The following GRK5 variants were observed in gnomAD, a reference collection of about 807,000 sequenced individuals.
GRK5 encodes the protein g protein-coupled receptor kinase GRK5.
A neutral mutation model predicts 78.4 loss-of-function variants in GRK5; 40 were observed. That is an observed-to-expected ratio of 0.51 (90% confidence interval 0.40 to 0.66). GRK5 has a LOEUF of 0.66. Ranked by LOEUF, GRK5 falls within the 30% of genes least tolerant of loss-of-function variation. The probability of loss-of-function intolerance (pLI) is 0.00; values close to 1 mark genes in which losing one functional copy is unlikely to be tolerated. For missense variants in GRK5, 598 were observed against 759.9 expected (o/e 0.79, Z 2.50); for synonymous variants, 289 against 296.8 (o/e 0.97, Z 0.27).
At chr10:119,356,058 C>CT (rs1375754241) in intron 2 of GRK5, among the ~76,000 whole-genome samples, 1 of 152,186 alleles carries the variant, frequency 6.6e-6, no homozygotes, top group Admixed American at 6.5e-5. Flanking sequence ...CCTAAGAACC[C>CT]TGATCTGGAG....
rs996583663 is a variant in GRK5 at position 119,359,991 on chromosome 10, GGGAGGCTGA to G, written c.149-20809_149-20801del. On this transcript the variant is annotated intron_variant, in intron 2 of 15. Transcript: ENST00000392870. The stretch of plus-strand genomic sequence containing the variant: ...AGGCTGGGGAGGCTGAGGAGGCGGA[GGGAGGCTGA>G]GGAGGCTGAGGAGGTGGAGGGAAGC... Among the ~76,000 whole-genome samples, 9 of 151,764 alleles carry G rather than the reference GGGAGGCTGA, an allele frequency of 5.9e-5. No individual in the cohort carries two copies. The South Asian group carries it at 1.5e-3, about 25-fold the overall frequency.
intron 3 of GRK5, among the ~76,000 whole-genome samples, chr10:119,394,219 C>T (rs898269282): frequency 2.1e-3 from 35 of 16,498 alleles, no homozygotes; most frequent in African/African-American, 5.1e-3. Context: ...TGTGTGGGTA[C>T]GTGTGGGTGT....
intron 2 of GRK5, among the ~76,000 whole-genome samples, chr10:119,355,588 G>T (rs1851251302): frequency 6.6e-6 from 1 of 152,232 alleles, no homozygotes; most frequent in African/African-American, 2.4e-5. Context: ...AGACCAGCCT[G>T]ACCAACATGG....
At chr10:119,231,364 TAAAA>T (rs1040153090) in intron 1 of GRK5, among the ~76,000 whole-genome samples, 1 of 151,604 alleles carries the variant, frequency 6.6e-6, no homozygotes, top group Non-Finnish European at 1.5e-5. Flanking sequence ...ATTAAAAAAT[TAAAA>T]AACATCTAAA....
intron 2 of GRK5, among the ~76,000 whole-genome samples, chr10:119,348,927 C>T (rs901121267): frequency 6.6e-6 from 1 of 152,162 alleles, no homozygotes; most frequent in African/African-American, 2.4e-5. Context: ...CTCATATCCT[C>T]GACCACCACA....
chr10:119,285,157 C>T (rs1349229112), intron 1 of GRK5, among the ~76,000 whole-genome samples: 1 of 152,192 alleles, frequency 6.6e-6, no homozygotes, highest in Non-Finnish European at 1.5e-5. Context: ...TTCACGTTGG[C>T]TGGCATCTCT....
chr10:119,417,086 T>C (rs1852471273), intron 4 of GRK5, among the ~76,000 whole-genome samples: 1 of 152,192 alleles, frequency 6.6e-6, no homozygotes, highest in Non-Finnish European at 1.5e-5. Context: ...ACGGCCTGCT[T>C]CATGGGCCTT....
intron 2 of GRK5, among the ~76,000 whole-genome samples, chr10:119,348,902 G>A (rs1240341023): frequency 2.0e-5 from 3 of 152,176 alleles, no homozygotes; most frequent in Admixed American, 1.3e-4. Flanking sequence ...GTGGCCAGAC[G>A]ACAGGGCCGC....
At chr10:119,435,769 G>A (rs1281183375) in intron 8 of GRK5, among the ~76,000 whole-genome samples, 1 of 152,112 alleles carries the variant, frequency 6.6e-6, no homozygotes, top group African/African-American at 2.4e-5. Flanking sequence ...TTTTTCAGCA[G>A]TGCCTCACTC....
chr10:119,386,274 G>T (rs1204730247), intron 3 of GRK5, among the ~76,000 whole-genome samples: 1 of 152,202 alleles, frequency 6.6e-6, no homozygotes, highest in South Asian at 2.1e-4. Flanking sequence ...GGATGGAGAA[G>T]CGTGAGGACA....
intron 1 of GRK5, among the ~76,000 whole-genome samples, chr10:119,314,727 T>A (rs915394): frequency 0.69 from 105,497 of 152,094 alleles, 38,171 homozygotes; most frequent in Non-Finnish European, 0.79. Context: ...CCTCTCAATC[T>A]GGGGATAGTT....
intron 1 of GRK5, among the ~76,000 whole-genome samples, chr10:119,313,265 GGT>G (rs1850426572): frequency 2.0e-5 from 3 of 150,420 alleles, no homozygotes; most frequent in Non-Finnish European, 4.4e-5. Flanking sequence ...TGATGGTGGT[GGT>G]AATAGTGGTG....
chr10:119,214,680 T>C (rs1848542575), intron 1 of GRK5, among the ~76,000 whole-genome samples: 1 of 152,026 alleles, frequency 6.6e-6, no homozygotes, highest in Admixed American at 6.6e-5. Context: ...CCAACATGCC[T>C]GGCTAATTTT....
chr10:119,278,079 AT>A (rs1439678110), intron 1 of GRK5, among the ~76,000 whole-genome samples: 1 of 152,326 alleles, frequency 6.6e-6, no homozygotes, highest in African/African-American at 2.4e-5. Context: ...TCTGGATCAT[AT>A]GGTAGGTATA....
At chr10:119,342,054 T>C (rs915417636) in intron 2 of GRK5, among the ~76,000 whole-genome samples, 1 of 149,648 alleles carries the variant, frequency 6.7e-6, no homozygotes, top group African/African-American at 2.5e-5. Context: ...ACAGCTGTCA[T>C]GTCAGCCCTG....
Position 119,271,362 on chromosome 10 carries a change from T to C in GRK5, c.53-55154T>C, listed in dbSNP as rs1849580778. Among the ~76,000 whole-genome samples, 1 of 152,266 alleles carries C rather than the reference T, an allele frequency of 6.6e-6. No individual in the cohort carries two copies. Among genetic ancestry groups the C allele is most frequent in the South Asian group, 2.1e-4 (1 of 4,832 alleles). On this transcript the variant is annotated intron_variant, in intron 1 of 15. Coordinates refer to ENST00000392870, the MANE Select transcript of GRK5 (RefSeq NM_005308.3). This position sits in a 1 kb window ranked among gnomAD's most constrained non-coding sequence, Gnocchi z 4.1. Reference sequence around the variant, plus strand: ...AAGGCAGTTTCTCTTTACCAAGTTCTCTGCATAGCCTTTTGCCTTCTATTG... The same window carrying C: ...AAGGCAGTTTCTCTTTACCAAGTTCCCTGCATAGCCTTTTGCCTTCTATTG...
chr10:119,447,143 C>T (rs750788010), intron 12 of GRK5, among the ~76,000 whole-genome samples: 27 of 152,200 alleles, frequency 1.8e-4, no homozygotes, highest in East Asian at 1.9e-4. Flanking sequence ...CTAGTCAAGG[C>T]CCCCTGCGCA....
At chr10:119,396,085 G>C (rs960995517) in intron 3 of GRK5, among the ~76,000 whole-genome samples, 5 of 152,232 alleles carry the variant, frequency 3.3e-5, no homozygotes, top group African/African-American at 1.2e-4. Flanking sequence ...CACAATGGCG[G>C]TAACTATAGC....
chr10:119,342,900 C>G (rs569366954), intron 2 of GRK5, among the ~76,000 whole-genome samples: 2 of 152,180 alleles, frequency 1.3e-5, no homozygotes, highest in Non-Finnish European at 2.9e-5. Flanking sequence ...AAGGCACCCC[C>G]CAACGCCCTC....
Sources: gnomAD v4.1 joint callset for allele counts (sites outside exome capture counted in the v4.1 genomes callset) on GRCh38, gnomAD v4.1.1 for gene constraint, Gnocchi (gnomAD v3.1) non-coding constraint, MANE v1.5 for transcripts, NCBI Gene and HGNC (gene_info 2026-07-23, HGNC 2026-07-21) for gene names.